Variants in STPG2 observed in about 807,000 individuals in gnomAD.
The protein encoded by STPG2 is sperm tail PG-rich repeat containing 2.
Under a neutral mutation model 54.2 loss-of-function variants are expected in STPG2, and 56 were observed. That is an observed-to-expected ratio of 1.03 (90% CI 0.83 to 1.29). The LOEUF (loss-of-function observed/expected upper bound fraction) is 1.29. Among genes scored for constraint, STPG2 ranks in the 50% most tolerant of loss-of-function variants. STPG2 has a pLI of 0.00. For missense variants in STPG2, 596 were observed against 544.9 expected, an observed-to-expected ratio of 1.09 and a Z score of -0.93; for synonymous variants, 200 against 181.8, an observed-to-expected ratio of 1.10 and a Z score of -0.81.
intron 1 of STPG2, among the ~76,000 whole-genome samples, chr4:98,135,508 A>G (rs1740112167): frequency 6.6e-6 from 1 of 151,802 alleles, no homozygotes; most frequent in South Asian, 2.1e-4. Flanking sequence ...AAACATCTCT[A>G]ATGCCATAAT....
chr4:97,901,961 T>A (rs746828855), intron 8 of STPG2, among the ~76,000 whole-genome samples: 1 of 151,788 alleles, frequency 6.6e-6, no homozygotes, highest in South Asian at 2.1e-4. Flanking sequence ...AGCAGATACA[T>A]AGAAAAATAG....
At chr4:97,494,720 G>T (rs1479518768) in intron 4 of STPG2, among the ~76,000 whole-genome samples, 2 of 41,930 alleles carry the variant, frequency 4.8e-5, no homozygotes, top group Admixed American at 4.5e-4. Flanking sequence ...TGCGGAAGGA[G>T]TAAGGATTTT....
chr4:97,816,354 T>C (rs561144771), intron 9 of STPG2, among the ~76,000 whole-genome samples: 1 of 152,274 alleles, frequency 6.6e-6, no homozygotes, highest in South Asian at 2.1e-4. Context: ...TGTGCATGTG[T>C]CTTTATAGTA....
At chr4:97,679,367 T>G (rs933576593) in intron 10 of STPG2, among the ~76,000 whole-genome samples, 4 of 152,170 alleles carry the variant, frequency 2.6e-5, no homozygotes, top group African/African-American at 9.7e-5. Context: ...TGCATTTCTC[T>G]GATGGCCAGT....
At chr4:97,626,871 G>C (rs1363058161) in intron 10 of STPG2, among the ~76,000 whole-genome samples, 1 of 151,912 alleles carries the variant, frequency 6.6e-6, no homozygotes, top group Non-Finnish European at 1.5e-5. Context: ...AAATGCAATT[G>C]CTTTTTATAT....
intron 5 of STPG2, among the ~76,000 whole-genome samples, chr4:98,102,746 T>C (rs927454305): frequency 3.3e-5 from 5 of 151,298 alleles, no homozygotes; most frequent in Admixed American, 2.6e-4. Context: ...TCTTCTTCCC[T>C]TTACCATCAA....
At chr4:98,008,452 T>C (rs532212075) in intron 5 of STPG2, among the ~76,000 whole-genome samples, 3 of 152,104 alleles carry the variant, frequency 2.0e-5, no homozygotes, top group Admixed American at 6.5e-5. Context: ...AAAGGAGTTC[T>C]AAACATGAAA....
chr4:97,911,083 AG>A (rs1465179641), intron 8 of STPG2, among the ~76,000 whole-genome samples: 3 of 152,190 alleles, frequency 2.0e-5, no homozygotes, highest in Non-Finnish European at 4.4e-5. Flanking sequence ...CAGCCAAGAA[AG>A]GGGGTGAGTG....
At chr4:97,676,350 A>C (rs1296065186) in intron 10 of STPG2, among the ~76,000 whole-genome samples, 1 of 151,796 alleles carries the variant, frequency 6.6e-6, no homozygotes, top group East Asian at 1.9e-4. Flanking sequence ...GGTGTTTTGC[A>C]AGTTATTTCT....
chr4:97,678,391 A>C (rs982668468), intron 10 of STPG2, among the ~76,000 whole-genome samples: 1 of 26,376 alleles, frequency 3.8e-5, no homozygotes, highest in Non-Finnish European at 6.9e-5. Context: ...ATGTAAGTAC[A>C]ATCAAATTCA....
rs145276405 is a variant in STPG2, at chr4:98,102,425, G to A, written c.612+3528C>T. Among the ~76,000 whole-genome samples, 647 of 152,178 alleles carry A rather than the reference G, an allele frequency of 4.3e-3. 4 individuals carry two copies. Among genetic ancestry groups the A allele is most frequent in the South Asian group, 0.024 (118 of 4,826 alleles). ...CTGTGGAAGAGATTATATGACCCAC[G>A]AATTCTAAATATTTAATATCTGCCC... On this transcript the variant is annotated intron_variant, in intron 5 of 10. Transcript: ENST00000295268.
chr4:97,873,196 CCTT>C (rs1352516771), intron 8 of STPG2, among the ~76,000 whole-genome samples: 1 of 151,084 alleles, frequency 6.6e-6, no homozygotes, highest in Non-Finnish European at 1.5e-5. Context: ...TCCCTTCCTT[CCTT>C]CTTTCCTTTT....
intron 5 of STPG2, among the ~76,000 whole-genome samples, chr4:98,088,224 TAGGATC>T (rs1361847635): frequency 6.6e-6 from 1 of 152,148 alleles, no homozygotes; most frequent in Non-Finnish European, 1.5e-5. Context: ...GGGAGGTAAT[TAGGATC>T]AGATTACAAT....
At chr4:97,546,522 G>A (rs1199541921) in intron 4 of STPG2, among the ~76,000 whole-genome samples, 1 of 152,048 alleles carries the variant, frequency 6.6e-6, no homozygotes, top group Non-Finnish European at 1.5e-5. Context: ...TCAGTAATCT[G>A]ATAAGTTAGA....
chr4:97,943,296 T>G (rs1443922802), intron 8 of STPG2, among the ~76,000 whole-genome samples: 1 of 152,176 alleles, frequency 6.6e-6, no homozygotes, highest in Non-Finnish European at 1.5e-5. Context: ...ACATTTAGAC[T>G]CTAGCAACAT....
intron 3 of STPG2, among the ~76,000 whole-genome samples, chr4:98,110,067 CAT>C (rs900187869): frequency 1.4e-4 from 21 of 152,106 alleles, no homozygotes; most frequent in African/African-American, 1.9e-4. Context: ...TATTTTAAAA[CAT>C]ATTTTTAAGC....
intron 5 of STPG2, among the ~76,000 whole-genome samples, chr4:98,102,924 A>G (rs1559858): frequency 0.39 from 58,349 of 148,708 alleles, 11,673 homozygotes; most frequent in African/African-American, 0.45. Context: ...AATTATAATC[A>G]TATATATTAT....
intron 10 of STPG2, among the ~76,000 whole-genome samples, chr4:97,601,723 C>A (rs1176629801): frequency 6.6e-6 from 1 of 151,904 alleles, no homozygotes; most frequent in African/African-American, 2.4e-5. Flanking sequence ...ATTACTATTG[C>A]ACTATAAAAT....
intron 7 of STPG2, among the ~76,000 whole-genome samples, chr4:97,944,758 C>T (rs1336470032): frequency 1.3e-5 from 2 of 152,050 alleles, no homozygotes; most frequent in African/African-American, 2.4e-5. Context: ...TCTTTCTTGG[C>T]CCATTTTTTG....
Sources: gnomAD v4.1 joint callset for allele counts (sites outside exome capture counted in the v4.1 genomes callset) on GRCh38, gnomAD v4.1.1 for gene constraint, MANE v1.5 for transcripts, NCBI Gene and HGNC (gene_info 2026-07-23, HGNC 2026-07-21) for gene names.